C1orf21: variants seen among roughly 807,000 people sequenced by gnomAD.
The protein encoded by C1orf21 is chromosome 1 open reading frame 21.
Under a neutral mutation model 18.7 loss-of-function variants are expected in C1orf21, and 3 were observed. The ratio of observed to expected loss-of-function variants is 0.16; its 90% confidence interval spans 0.07 to 0.42. The LOEUF is 0.42. Among genes scored for constraint, C1orf21 ranks in the 10% least tolerant of loss-of-function variants. C1orf21 has a pLI of 0.99. For synonymous variants in C1orf21, 41 were observed against 46.4 expected, an observed-to-expected ratio of 0.88 and a Z score of 0.47; for missense variants, 104 against 143.6, an observed-to-expected ratio of 0.72 and a Z score of 1.41.
intron 3 of C1orf21, among the ~76,000 whole-genome samples, chr1:184,508,339 G>A (rs1001827205): frequency 1.3e-5 from 2 of 152,104 alleles, no homozygotes; most frequent in African/African-American, 4.8e-5. Flanking sequence ...CTTAAAAGCA[G>A]TTACAAATTG....
intron 2 of C1orf21, among the ~76,000 whole-genome samples, chr1:184,493,017 A>G (rs999946780): frequency 1.3e-5 from 2 of 152,242 alleles, no homozygotes; most frequent in Admixed American, 6.5e-5. Context: ...CCAGACTATA[A>G]TAGGGCAAGA....
chr1:184,604,622 A>C (rs1034387028), intron 5 of C1orf21, among the ~76,000 whole-genome samples: 1 of 152,198 alleles, frequency 6.6e-6, no homozygotes, highest in African/African-American at 2.4e-5. Flanking sequence ...TAATTACAAC[A>C]GGCAAGGATG....
intron 1 of C1orf21, among the ~76,000 whole-genome samples, chr1:184,436,061 T>C (rs540403172): frequency 6.6e-6 from 1 of 151,930 alleles, no homozygotes; most frequent in South Asian, 2.1e-4. Flanking sequence ...GAGAAGAGAA[T>C]GGGACGTGTG....
At chr1:184,482,114 G>C (rs1657666418) in intron 2 of C1orf21, among the ~76,000 whole-genome samples, 1 of 152,152 alleles carries the variant, frequency 6.6e-6, no homozygotes, top group African/African-American at 2.4e-5. Context: ...AACATAACCA[G>C]CTTATTATTC....
intron 1 of C1orf21, among the ~76,000 whole-genome samples, chr1:184,417,282 C>T (rs1009157113): frequency 3.3e-5 from 5 of 152,120 alleles, no homozygotes; most frequent in African/African-American, 4.8e-5. Context: ...TAAGGAAAAA[C>T]GGTCAAAATT....
intron 1 of C1orf21, among the ~76,000 whole-genome samples, chr1:184,475,777 G>C (rs1038721532): frequency 2.8e-5 from 4 of 141,302 alleles, no homozygotes; most frequent in African/African-American, 1.1e-4. Context: ...GTGTGTGTGT[G>C]TGTGTCCATC....
chr1:184,469,088 G>T (rs1657452044), intron 1 of C1orf21, among the ~76,000 whole-genome samples: 1 of 150,340 alleles, frequency 6.7e-6, no homozygotes, highest in Non-Finnish European at 1.5e-5. Flanking sequence ...TACAAAAAAA[G>T]AGAAAAAAAA....
intron 1 of C1orf21, among the ~76,000 whole-genome samples, chr1:184,475,288 AG>A (rs1343685252): frequency 1.3e-5 from 2 of 152,174 alleles, no homozygotes; most frequent in Non-Finnish European, 2.9e-5. Context: ...GAAGGTAGCA[AG>A]GCCTTCTGCA....
intron 1 of C1orf21, among the ~76,000 whole-genome samples, chr1:184,443,980 A>G (rs767530125): frequency 5.2e-4 from 79 of 152,296 alleles, no homozygotes; most frequent in Admixed American, 3.7e-3. Flanking sequence ...TGAGCTGGTC[A>G]TTGAAAATTA....
chr1:184,609,430 A>G (rs1487464172), intron 5 of C1orf21, among the ~76,000 whole-genome samples: 2 of 152,244 alleles, frequency 1.3e-5, no homozygotes, highest in African/African-American at 2.4e-5. Context: ...GAGCTCTTTC[A>G]GAGCAAAGAG....
chr1:184,402,074 G>A (rs1364638986), intron 1 of C1orf21, among the ~76,000 whole-genome samples: 1 of 152,092 alleles, frequency 6.6e-6, no homozygotes, highest in Non-Finnish European at 1.5e-5. Flanking sequence ...TACTTAAAAA[G>A]TTTTCCAATA....
At chr1:184,610,403 G>C (rs1222991812) in intron 5 of C1orf21, among the ~76,000 whole-genome samples, 4 of 152,170 alleles carry the variant, frequency 2.6e-5, no homozygotes, top group African/African-American at 9.7e-5. Context: ...CCTGCTCTCG[G>C]ACATCAGTTC....
At chr1:184,499,928 A>G (rs917873292) in intron 2 of C1orf21, among the ~76,000 whole-genome samples, 11 of 152,178 alleles carry the variant, frequency 7.2e-5, no homozygotes, top group Admixed American at 2.6e-4. Context: ...AGTAATTGAG[A>G]GGATTTAGCT....
intron 1 of C1orf21, among the ~76,000 whole-genome samples, chr1:184,397,598 A>G (rs533386292): frequency 3.3e-5 from 5 of 151,980 alleles, no homozygotes; most frequent in Non-Finnish European, 7.3e-5. Context: ...AAAGAAAAAA[A>G]AACAACTGTA....
At chr1:184,571,168 G>C (rs1188211887) in intron 3 of C1orf21, among the ~76,000 whole-genome samples, 1 of 150,900 alleles carries the variant, frequency 6.6e-6, no homozygotes, top group East Asian at 1.9e-4. Context: ...GTAGTGGCGG[G>C]CGCCTGTAGT....
chr1:184,558,385 A>G (rs1658908499), intron 3 of C1orf21, among the ~76,000 whole-genome samples: 1 of 152,228 alleles, frequency 6.6e-6, no homozygotes, highest in Non-Finnish European at 1.5e-5. Flanking sequence ...AAGGTGAAAA[A>G]TCGTGCTGTT....
intron 5 of C1orf21, among the ~76,000 whole-genome samples, chr1:184,616,775 C>T (rs1004355524): frequency 1.3e-5 from 2 of 151,874 alleles, no homozygotes; most frequent in Admixed American, 6.6e-5. Flanking sequence ...CCACGTTCTT[C>T]CTCATGGATG....
intron 3 of C1orf21, chr1:184,567,176 G>T: frequency 2.1e-6 from 1 of 478,346 alleles, no homozygotes; most frequent in Non-Finnish European, 4.2e-6. Flanking sequence ...TGAGCTCACA[G>T]TCCACACCAA....
chr1:184,614,876 C>T (rs1358579361), intron 5 of C1orf21, among the ~76,000 whole-genome samples: 2 of 152,198 alleles, frequency 1.3e-5, no homozygotes, highest in Non-Finnish European at 2.9e-5. Flanking sequence ...AGCTCAGCTT[C>T]ACTCACTCGC....
Sources: allele counts gnomAD v4.1 joint callset (sites outside exome capture counted in the v4.1 genomes callset), GRCh38; gene constraint gnomAD v4.1.1; transcripts MANE v1.5; gene names NCBI Gene and HGNC (gene_info 2026-07-23, HGNC 2026-07-21).